The following CALN1 variants were observed in gnomAD, a reference collection of about 807,000 sequenced individuals.
The protein encoded by CALN1 is calneuron 1.
CALN1 carries 17 observed loss-of-function variants against 30.6 expected under a neutral mutation model. The ratio of observed to expected loss-of-function variants is 0.56; its 90% CI spans 0.38 to 0.83. The LOEUF is 0.83. Among genes scored for constraint, CALN1 ranks in the 40% least tolerant of loss-of-function variants. The pLI is 0.00. For synonymous variants in CALN1, 156 were observed against 131.4 expected, an observed-to-expected ratio of 1.19 and a Z score of -1.28; for missense variants, 291 against 354.9, an observed-to-expected ratio of 0.82 and a Z score of 1.45.
intron 6 of CALN1, among the ~76,000 whole-genome samples, chr7:71,795,735 G>A (rs751157913): frequency 2.6e-5 from 4 of 151,244 alleles, no homozygotes; most frequent in Non-Finnish European, 4.4e-5. Flanking sequence ...TACAGTAGGT[G>A]ACCTTTCGTG....
intron 3 of CALN1, among the ~76,000 whole-genome samples, chr7:72,110,899 G>A (rs1162216633): frequency 1.3e-5 from 2 of 152,218 alleles, no homozygotes; most frequent in African/African-American, 4.8e-5. Flanking sequence ...CATTGGAACA[G>A]GCAGGATCCC....
At chr7:72,456,679 C>A in the CALN1 span, among the ~76,000 whole-genome samples, 7 of 151,912 alleles carry the variant, frequency 4.6e-5, no homozygotes, top group Admixed American at 3.9e-4. Context: ...TATGGTAAAA[C>A]CCCATCTCTA....
chr7:72,257,959 C>A (rs1377639320), intron 3 of CALN1, among the ~76,000 whole-genome samples: 1 of 151,720 alleles, frequency 6.6e-6, no homozygotes, highest in Non-Finnish European at 1.5e-5. Flanking sequence ...TCTGGGGACT[C>A]GAGGGGGAAG....
In CALN1 at chr7:72,129,510, T is replaced by C. The variant is rs371423005; in HGVS notation, c.245-23216A>G. Among the ~76,000 whole-genome samples, 25 of 152,332 alleles carry C rather than the reference T, an allele frequency of 1.6e-4. 1 individual carries two copies. The East Asian group carries it at 4.2e-3, about 26-fold the overall frequency. ...CATATTTAATGATACTAAGGAATTA[T>C]TGTTACACCTGTTAGGAGTGATATT... On this transcript the variant is annotated intron_variant, in intron 3 of 6. Transcript: ENST00000395275.
At chr7:72,417,808 T>C (rs557951419) in intron 1 of CALN1, among the ~76,000 whole-genome samples, 5 of 152,302 alleles carry the variant, frequency 3.3e-5, no homozygotes, top group Admixed American at 6.5e-5. Context: ...CATGCTACCC[T>C]GGGACACCCT....
At chr7:72,057,383 C>CTTTTTT (rs60838093) in intron 4 of CALN1, among the ~76,000 whole-genome samples, 133 of 101,670 alleles carry the variant, frequency 1.3e-3, no homozygotes, top group Non-Finnish European at 1.8e-3. Context: ...TTTAAATGTT[C>CTTTTTT]TTTTTTTTTT....
At position 72,113,432 on chromosome 7, in the gene CALN1, G is replaced by A. The variant is rs1331791715; in HGVS notation, c.245-7138C>T. Among the ~76,000 whole-genome samples the A allele has an allele frequency of 5.3e-5, 8 of 152,210 alleles. No individual in the cohort carries two copies. The South Asian group carries it at 8.3e-4, about 16-fold the overall frequency. On this transcript the variant is annotated intron_variant, in intron 3 of 6. Coordinates refer to ENST00000395275, the MANE Select transcript of CALN1 (RefSeq NM_031468.4). The stretch of plus-strand genomic sequence containing the variant: ...TGGTGCCATGCTTCTTATACAGTCC[G>A]CAAACCATGAGCCAAATATATATTT...
chr7:72,451,080 CAGA>C (rs1808645303), upstream of CALN1, among the ~76,000 whole-genome samples: 1 of 148,810 alleles, frequency 6.7e-6, no homozygotes, highest in African/African-American at 2.5e-5. Flanking sequence ...TTAGACCAGG[CAGA>C]AGAAGGAGGA....
intron 3 of CALN1, among the ~76,000 whole-genome samples, chr7:72,137,869 T>A (rs770039243): frequency 6.6e-6 from 1 of 152,194 alleles, no homozygotes; most frequent in Non-Finnish European, 1.5e-5. Context: ...ATAAATGATA[T>A]AAATATAGCA....
chr7:72,313,468 C>T (rs1415549939), intron 2 of CALN1, among the ~76,000 whole-genome samples: 3 of 152,086 alleles, frequency 2.0e-5, no homozygotes, highest in African/African-American at 4.8e-5. Context: ...CTCAGCTCAC[C>T]GCAACCTATG....
chr7:71,781,605 G>T lies in CALN1; in HGVS notation c.*6170C>A, dbSNP rs775682988. 1 of 152,182 alleles carries T rather than the reference G, an allele frequency of 6.6e-6. No individual in the cohort carries two copies. The highest frequency in any genetic ancestry group is 2.4e-5 in the African/African-American group (1 of 41,448). The allele number at this position is 152,182 out of a possible 1,614,324, so 9.4% of individuals were successfully genotyped here. A position where few individuals can be genotyped will look rare whatever the true frequency, so the allele number is the denominator to read the frequency against. On this transcript the variant is annotated 3_prime_UTR_variant, in exon 7 of 7. Coordinates refer to ENST00000395275, the MANE Select transcript of CALN1 (RefSeq NM_031468.4). Reference sequence around the variant, plus strand: ...TCAGGTCCAGGGATGGAGCAATATCGCAGTTGCACCTTGCATTCCCTGGAA... The same window carrying T: ...TCAGGTCCAGGGATGGAGCAATATCTCAGTTGCACCTTGCATTCCCTGGAA...
chr7:72,294,008 G>A (rs1029161327), intron 2 of CALN1, among the ~76,000 whole-genome samples: 1 of 152,140 alleles, frequency 6.6e-6, no homozygotes, highest in Non-Finnish European at 1.5e-5. Context: ...TGAGGCAGGA[G>A]GATCACTTGA....
At position 72,298,648 on chromosome 7, in the gene CALN1, C is replaced by T. The variant is rs182697243; in HGVS notation, c.120-19838G>A. Reference sequence around the variant, plus strand: ...AAGCAAATTAATATAATCTGTAAATCCCTGATATGGTTTGGCTTCATCCCA... The same window carrying T: ...AAGCAAATTAATATAATCTGTAAATTCCTGATATGGTTTGGCTTCATCCCA... On this transcript the variant is annotated intron_variant, in intron 2 of 6. Coordinates refer to ENST00000395275, the MANE Select transcript of CALN1 (RefSeq NM_031468.4). 1.0e-3 allele frequency among the ~76,000 whole-genome samples: 153 copies of T among 152,126 alleles called. 1 individual carries two copies. Among genetic ancestry groups the T allele is most frequent in the Middle Eastern group, 6.8e-3 (2 of 294 alleles).
At chr7:71,856,794 G>T (rs1790973598) in intron 5 of CALN1, among the ~76,000 whole-genome samples, 1 of 151,822 alleles carries the variant, frequency 6.6e-6, no homozygotes, top group South Asian at 2.1e-4. Context: ...ATCTCTACTA[G>T]AAATACAAAA....
intron 3 of CALN1, among the ~76,000 whole-genome samples, chr7:72,190,873 C>A (rs949023265): frequency 6.6e-6 from 1 of 151,728 alleles, no homozygotes; most frequent in Admixed American, 6.6e-5. Flanking sequence ...AAATGTGTGT[C>A]TTTATTTAAA....
At chr7:72,487,854 G>GAGAAAGAAAGAA in the CALN1 span, among the ~76,000 whole-genome samples, 197 of 69,526 alleles carry the variant, frequency 2.8e-3, 5 homozygotes, top group Middle Eastern at 6.9e-3. Context: ...GAAAAAGAAA[G>GAGAAAGAAAGAA]AGAAAGAAAG....
chr7:72,046,707 C>CT (rs1290745854), intron 4 of CALN1, among the ~76,000 whole-genome samples: 17 of 87,814 alleles, frequency 1.9e-4, no homozygotes, highest in African/African-American at 8.0e-4. Context: ...GAGACTCCCT[C>CT]TTAAAAAAAA....
At chr7:72,126,188 T>C (rs963776444) in intron 3 of CALN1, among the ~76,000 whole-genome samples, 1 of 152,132 alleles carries the variant, frequency 6.6e-6, no homozygotes, top group East Asian at 1.9e-4. Flanking sequence ...CATTCCTGAG[T>C]TGCTTCACTT....
chr7:72,207,918 A>C (rs1288913570), intron 3 of CALN1, among the ~76,000 whole-genome samples: 1 of 152,206 alleles, frequency 6.6e-6, no homozygotes, highest in African/African-American at 2.4e-5. Context: ...ATTGGTTTTC[A>C]AAGTTTTTAA....
Sources: allele counts gnomAD v4.1 joint callset (sites outside exome capture counted in the v4.1 genomes callset), GRCh38; gene constraint gnomAD v4.1.1; transcripts MANE v1.5; gene names NCBI Gene and HGNC (gene_info 2026-07-23, HGNC 2026-07-21).